MED4: variants seen among roughly 807,000 people sequenced by gnomAD.
MED4 encodes the protein mediator complex subunit 4.
MED4 carries 21 observed loss-of-function variants against 35.0 expected under a neutral mutation model. The ratio of observed to expected loss-of-function variants is 0.60; its 90% confidence interval spans 0.43 to 0.86. MED4 has a LOEUF of 0.86. Ranked by LOEUF, MED4 falls within the 40% of genes least tolerant of loss-of-function variation. The probability of loss-of-function intolerance (pLI) is 0.00; values close to 1 mark genes in which losing one functional copy is unlikely to be tolerated. For synonymous variants in MED4, 138 were observed against 114.0 expected (o/e 1.21, Z -1.34); for missense variants, 300 against 319.4 (o/e 0.94, Z 0.46).
intron 4 of MED4, 138 bp from the exon 5 acceptor site, chr13:48,081,869 A>C: frequency 2.1e-6 from 1 of 487,232 alleles, no homozygotes; most frequent in Non-Finnish European, 3.5e-6. Context: ...GCCTTCCTTA[A>C]CAATACCTAC....
chr13:48,085,244 T>G (rs1950840839), intron 3 of MED4, among the ~76,000 whole-genome samples: 1 of 150,016 alleles, frequency 6.7e-6, no homozygotes, highest in Non-Finnish European at 1.5e-5. Flanking sequence ...CAATCTCAGC[T>G]CACTGCAACC....
chr13:48,079,707 A>G, intron 6 of MED4, 137 bp downstream of exon 6: 3 of 1,051,012 alleles, frequency 2.9e-6, no homozygotes, highest in East Asian at 2.6e-5. Flanking sequence ...TGGGTGACAT[A>G]ACAAGACTGT....
At chr13:48,085,837 A>T (rs530699396) in intron 3 of MED4, among the ~76,000 whole-genome samples, 1 of 152,270 alleles carries the variant, frequency 6.6e-6, no homozygotes. Flanking sequence ...TGAATGACTA[A>T]ATTAATGTCA....
chr13:48,092,456 A>C (rs1950896270), intron 1 of MED4, among the ~76,000 whole-genome samples: 1 of 152,178 alleles, frequency 6.6e-6, no homozygotes, highest in African/African-American at 2.4e-5. Flanking sequence ...GGGTTATTTT[A>C]AACAGGGAAA....
intron 1 of MED4, among the ~76,000 whole-genome samples, chr13:48,092,368 TC>T (rs1228245445): frequency 1.3e-5 from 2 of 152,206 alleles, no homozygotes; most frequent in Admixed American, 1.3e-4. Context: ...GGCCTCGGCC[TC>T]CCAAAGTGCT....
intron 2 of MED4, among the ~76,000 whole-genome samples, chr13:48,087,526 A>C (rs1950859668): frequency 6.6e-6 from 1 of 151,962 alleles, no homozygotes; most frequent in Admixed American, 6.5e-5. Flanking sequence ...GTTTATGCAC[A>C]GTATTGTTTA....
chr13:48,083,024 ACT>A lies in MED4; in HGVS notation c.421+345_421+346del, dbSNP rs757420544. ...GCAGTTGCCCAATGGATGTCTTTTC[ACT>A]CTCTCTGTCCTAACCTTCAAGATTT... is the stretch of plus-strand genomic sequence containing the variant. On this transcript the variant is annotated intron_variant, in intron 4 of 6. Transcript: ENST00000258648. Among the ~76,000 whole-genome samples the A allele has an allele frequency of 7.0e-4, 107 of 152,046 alleles. 1 individual carries two copies. Among genetic ancestry groups the A allele is most frequent in the Non-Finnish European group, 1.2e-3 (82 of 67,974 alleles).
At chr13:48,093,060 C>CT (rs1174106846) in intron 1 of MED4, among the ~76,000 whole-genome samples, 2 of 152,174 alleles carry the variant, frequency 1.3e-5, no homozygotes, top group Non-Finnish European at 2.9e-5. Context: ...CCCTGTCCTG[C>CT]TAAAAAGAAG....
Position 48,095,033 on chromosome 13 carries a change from C to A in MED4, c.46G>T (p.Gly16Cys). ...TTACCACCCGCCACTCCCAAACCGC[C>A]TCCCAGCCGCTCCTTCTCCTTCTCA... ...SGEKEKERLGGGLGVAGGNST... is the reference protein window; with the variant it reads ...SGEKEKERLGCGLGVAGGNST... Residue 16 changes from glycine (G) to cysteine (C), a missense_variant, in exon 1 of 7, where the codon GGC (glycine) becomes TGC (cysteine). Transcript: ENST00000258648. 1 of 1,606,254 alleles carries A rather than the reference C, an allele frequency of 6.2e-7. No homozygotes were observed.
intron 2 of MED4, among the ~76,000 whole-genome samples, chr13:48,088,098 T>C (rs1488988825): frequency 2.0e-5 from 3 of 152,204 alleles, no homozygotes; most frequent in Admixed American, 6.5e-5. Context: ...GGATTCATGA[T>C]ATATTGCACT....
intron 6 of MED4, 72 bp from the exon 7 acceptor site, chr13:48,077,383 T>C (rs949484871): frequency 1.4e-5 from 17 of 1,214,170 alleles, no homozygotes; most frequent in Non-Finnish European, 1.8e-5. Context: ...TTTCCCTTTA[T>C]GCAACAATTT....
At chr13:48,083,651 A>G (rs1950826957) in intron 3 of MED4, among the ~76,000 whole-genome samples, 1 of 152,220 alleles carries the variant, frequency 6.6e-6, no homozygotes, top group Non-Finnish European at 1.5e-5. Context: ...CCATTCACAA[A>G]TTAGTTGTAG....
In MED4 at chr13:48,079,902, G is replaced by T; in HGVS notation, c.582C>A (p.Ser194=). The part of the protein sequence containing the change: ...SGLLGQMNNP[S]TNGVNGHLPG... The stretch of plus-strand genomic sequence containing the variant: ...GTAAATGGCCATTCACGCCATTAGT[G>T]GAAGGATTGTTCATCTGACCCAGTA... Residue 194 remains serine (S), a synonymous_variant, in exon 6 of 7, where the codon TCC becomes TCA. Transcript: ENST00000258648. The T allele has an allele frequency of 1.2e-6, 2 of 1,613,832 alleles. No homozygotes were observed. The highest frequency in any genetic ancestry group is 1.7e-6 in the Non-Finnish European group (2 of 1,179,880).
At chr13:48,093,477 G>T in intron 1 of MED4, 1 of 349,954 alleles carries the variant, frequency 2.9e-6, no homozygotes, top group African/African-American at 2.2e-5. Context: ...TTTCATAAAT[G>T]CAAGCCAGAC....
chr13:48,079,294 A>G (rs1336925656), intron 6 of MED4, among the ~76,000 whole-genome samples: 3 of 152,258 alleles, frequency 2.0e-5, no homozygotes, highest in Admixed American at 6.5e-5. Context: ...AGCTATGTTT[A>G]GAGCAATAAT....
Position 48,077,279 on chromosome 13 carries a change from T to C in MED4, c.673A>G (p.Asn225Asp). Residue 225 changes from asparagine to aspartate, a missense_variant, in exon 7 of 7, where the codon AAT (asparagine) becomes GAT (aspartate). By Grantham distance (23) the Asn-to-Asp change is conservative. Coordinates refer to ENST00000258648, the MANE Select transcript of MED4 (RefSeq NM_014166.4). ...VLAPQYPWQS[N>D]DMSMNMLPPN... is the part of the protein sequence containing the mutation. The stretch of plus-strand genomic sequence containing the variant: ...GGTAACATATTCATCGACATGTCAT[T>C]TGACTGCCATGGATACTGTGGAGCA... The C allele has an allele frequency of 6.4e-7, 1 of 1,561,876 alleles. No individual in the cohort carries two copies. Among genetic ancestry groups the C allele is most frequent in the Non-Finnish European group, 8.6e-7 (1 of 1,159,142 alleles).
chr13:48,082,430 A>T (rs1950815786), intron 4 of MED4, among the ~76,000 whole-genome samples: 2 of 152,256 alleles, frequency 1.3e-5, no homozygotes, highest in Non-Finnish European at 1.5e-5. Context: ...TTTGAAGATT[A>T]AAAACAGAAT....
rs750257169 is a variant in MED4, at chr13:48,080,110, C to T, written c.509-135G>A. On this transcript the variant is annotated intron_variant, in intron 5 of 6. Transcript: ENST00000258648. ...ATTTTCAATTTTGAAATACAGAAGT[C>T]ATCTGGCCAGGTGCAGTGGCTCACG... 8.8e-4 allele frequency: 879 copies of T among 999,592 alleles called. 1 individual carries two copies. Among genetic ancestry groups the T allele is most frequent in the Non-Finnish European group, 1.2e-3 (813 of 700,128 alleles). 61.9% of individuals were successfully genotyped at this position (999,592 alleles called of 1,614,324 possible). A position where few individuals can be genotyped will look rare whatever the true frequency, so the allele number is the denominator to read the frequency against.
At chr13:48,087,964 T>C (rs1255361464) in intron 2 of MED4, among the ~76,000 whole-genome samples, 4 of 152,226 alleles carry the variant, frequency 2.6e-5, no homozygotes, top group Non-Finnish European at 5.9e-5. Context: ...TGGTGGTTCA[T>C]ATCTCTAGTC....
Sources: gnomAD v4.1 joint callset for allele counts (sites outside exome capture counted in the v4.1 genomes callset) on GRCh38, gnomAD v4.1.1 for gene constraint, MANE v1.5 for transcripts, NCBI Gene and HGNC (gene_info 2026-07-23, HGNC 2026-07-21) for gene names.